The following ADGB variants were observed in gnomAD, a reference collection of about 807,000 sequenced individuals.
The protein encoded by ADGB is calpain-7-like protein.
ADGB carries 172 observed loss-of-function variants against 210.5 expected under a neutral mutation model. That is an observed-to-expected ratio of 0.82 (90% CI 0.72 to 0.93). The LOEUF (loss-of-function observed/expected upper bound fraction) is 0.93. Ranked by LOEUF, ADGB falls within the 40% of genes least tolerant of loss-of-function variation. The pLI, the probability that ADGB is intolerant of heterozygous loss-of-function variation, is 0.00. For synonymous variants in ADGB, 658 were observed against 662.7 expected (o/e 0.99, Z 0.11); for missense variants, 2,025 against 1,964.8 (o/e 1.03, Z -0.58).
intron 1 of ADGB, among the ~76,000 whole-genome samples, chr6:146,620,875 G>A (rs568144877): frequency 4.6e-5 from 7 of 152,030 alleles, no homozygotes; most frequent in African/African-American, 1.4e-4. Context: ...CTCTTATGTT[G>A]ATTCCTGAGC....
chr6:146,715,273 C>A, intron 13 of ADGB, 109 bp from the exon 14 acceptor site: 1 of 985,218 alleles, frequency 1.0e-6, no homozygotes, highest in Non-Finnish European at 1.5e-6. Flanking sequence ...TCCCAAAAAT[C>A]TATTTCTTCA....
At chr6:146,765,080 C>A (rs989236525) in intron 28 of ADGB, among the ~76,000 whole-genome samples, 2 of 151,796 alleles carry the variant, frequency 1.3e-5, no homozygotes, top group Non-Finnish European at 2.9e-5. Context: ...ATTACAGGTG[C>A]GAGCCACCGT....
rs1047884219 is a variant in ADGB, at chr6:146,731,615, C to G, written c.2521-1505C>G. ...AAAAAGTGTCCCAGCAAGTTTCAGA[C>G]TAAATTCTCCCTGCTCCCTCAATGT... On this transcript the variant is annotated intron_variant, in intron 20 of 35. Coordinates refer to ENST00000397944, the MANE Select transcript of ADGB (RefSeq NM_024694.4). Among the ~76,000 whole-genome samples, 44 of 152,154 alleles carry G rather than the reference C, an allele frequency of 2.9e-4. 1 individual carries two copies. The highest frequency in any genetic ancestry group is 3.5e-4 in the Non-Finnish European group (24 of 68,036).
chr6:146,706,093 T>TA (rs1272493759), intron 13 of ADGB, among the ~76,000 whole-genome samples: 8 of 114,692 alleles, frequency 7.0e-5, no homozygotes, highest in African/African-American at 2.5e-4. Context: ...CTTGGTTAAT[T>TA]TAAAAAAAAA....
intron 26 of ADGB, among the ~76,000 whole-genome samples, chr6:146,747,722 G>T (rs545013106): frequency 6.6e-6 from 1 of 150,892 alleles, no homozygotes; most frequent in Non-Finnish European, 1.5e-5. Context: ...AAATTATGTC[G>T]CATAGCATGA....
In ADGB at chr6:146,636,604, G is replaced by A. The variant is rs143399590; in HGVS notation, c.237+1067G>A. Among the ~76,000 whole-genome samples, 266 of 152,056 alleles carry A rather than the reference G, an allele frequency of 1.7e-3. 1 individual carries two copies. Among genetic ancestry groups the A allele is most frequent in the African/African-American group, 6.0e-3 (249 of 41,498 alleles). Reference sequence around the variant, plus strand: ...ACTTATGGAGAGAGAGAAAGAGAGAGAGTGTGAGTGTGTGGGTGTGGGTGG... The same window carrying A: ...ACTTATGGAGAGAGAGAAAGAGAGAAAGTGTGAGTGTGTGGGTGTGGGTGG... On this transcript the variant is annotated intron_variant, in intron 2 of 35. Transcript: ENST00000397944.
chr6:146,781,290 C>T (rs1338307137), intron 29 of ADGB, among the ~76,000 whole-genome samples: 1 of 150,722 alleles, frequency 6.6e-6, no homozygotes, highest in Non-Finnish European at 1.5e-5. Context: ...TTGCAGTGAG[C>T]CAAGATTGTG....
At position 146,793,235 on chromosome 6, in the gene ADGB, T is replaced by A. The variant is rs182708421; in HGVS notation, c.4537+4625T>A. On this transcript the variant is annotated intron_variant, in intron 33 of 35. Transcript: ENST00000397944. ...TTTTACAGAGCACTGATTGGTGCGT[T>A]TTACAGAGCACTGATTGTTGTGTTT... Among the ~76,000 whole-genome samples the A allele has an allele frequency of 2.7e-3, 406 of 152,224 alleles. 2 individuals carry two copies. The highest frequency in any genetic ancestry group is 9.4e-3 in the African/African-American group (389 of 41,496).
At chr6:146,656,041 A>T (rs1342747935) in intron 4 of ADGB, among the ~76,000 whole-genome samples, 1 of 152,140 alleles carries the variant, frequency 6.6e-6, no homozygotes, top group Non-Finnish European at 1.5e-5. Flanking sequence ...TCACAAAAAA[A>T]AATGTGAAAA....
rs560623665 is a variant in ADGB at position 146,797,650 on chromosome 6, T to G, written c.4538-3533T>G. Among the ~76,000 whole-genome samples, 43 of 152,084 alleles carry G rather than the reference T, an allele frequency of 2.8e-4. No individual in the cohort carries two copies. The South Asian group carries it at 8.9e-3, about 32-fold the overall frequency. On this transcript the variant is annotated intron_variant, in intron 33 of 35. Coordinates refer to ENST00000397944, the MANE Select transcript of ADGB (RefSeq NM_024694.4). ...ATGCAGTTGGAGACCACATTCAAAG[T>G]GAACTAACCCAGGAATGAAAAATGA...
intron 5 of ADGB, among the ~76,000 whole-genome samples, chr6:146,661,259 C>G (rs532249032): frequency 8.1e-6 from 1 of 123,190 alleles, no homozygotes; most frequent in African/African-American, 3.0e-5. Context: ...CTGACTCTGT[C>G]GCTCAGGCTG....
At chr6:146,753,427 T>C (rs538933822) in intron 27 of ADGB, among the ~76,000 whole-genome samples, 2 of 152,180 alleles carry the variant, frequency 1.3e-5, no homozygotes, top group South Asian at 4.1e-4. Flanking sequence ...TTTCTTAAAA[T>C]AATAACTTTA....
At chr6:146,785,114 A>G (rs1402480256) in intron 31 of ADGB, among the ~76,000 whole-genome samples, 10 of 152,150 alleles carry the variant, frequency 6.6e-5, no homozygotes, top group Non-Finnish European at 1.5e-5. Flanking sequence ...GTAAGAAAGC[A>G]TTCAAATGTT....
intron 33 of ADGB, among the ~76,000 whole-genome samples, chr6:146,799,803 G>A (rs138509478): frequency 1.3e-5 from 2 of 151,776 alleles, no homozygotes; most frequent in East Asian, 3.9e-4. Context: ...TGTTTCTTTT[G>A]TTGTTGTTGT....
chr6:146,621,125 T>C (rs955124506), intron 1 of ADGB, among the ~76,000 whole-genome samples: 12 of 152,136 alleles, frequency 7.9e-5, no homozygotes, highest in Admixed American at 3.9e-4. Context: ...CATAACTATA[T>C]TGCATCCCTG....
At chr6:146,746,131 G>T in intron 26 of ADGB, 22 bp downstream of exon 26, 1 of 1,428,128 alleles carries the variant, frequency 7.0e-7, no homozygotes, top group Non-Finnish European at 9.4e-7. Flanking sequence ...TGACAGAAGG[G>T]GAAAGGCATT....
Position 146,672,515 on chromosome 6 carries a change from A to G in ADGB, c.1087+48A>G, listed in dbSNP as rs140331026. 39 of 1,472,120 alleles carry G rather than the reference A, an allele frequency of 2.6e-5. No individual in the cohort carries two copies. The African/African-American group carries it at 5.0e-4, about 19-fold the overall frequency. 91.2% of individuals were successfully genotyped at this position (1,472,120 alleles called of 1,614,324 possible). On this transcript the variant is annotated intron_variant, in intron 8 of 35. Coordinates refer to ENST00000397944, the MANE Select transcript of ADGB (RefSeq NM_024694.4). The stretch of plus-strand genomic sequence containing the variant: ...GTGATTCAGTATGGACATTGCATAT[A>G]AATGCCTTACAATTTTATTTGATGT...
chr6:146,645,552 G>C (rs1775597282), intron 3 of ADGB, among the ~76,000 whole-genome samples: 1 of 151,956 alleles, frequency 6.6e-6, no homozygotes, highest in Non-Finnish European at 1.5e-5. Flanking sequence ...CTAATGCATA[G>C]GAAACCAGTG....
chr6:146,620,281 T>C (rs897006576), intron 1 of ADGB, among the ~76,000 whole-genome samples: 1 of 152,292 alleles, frequency 6.6e-6, no homozygotes, highest in Middle Eastern at 3.4e-3. Context: ...ATTGGTTATG[T>C]CTGAGCGTCC....
Sources: allele counts gnomAD v4.1 joint callset (sites outside exome capture counted in the v4.1 genomes callset), GRCh38; gene constraint gnomAD v4.1.1; transcripts MANE v1.5; gene names NCBI Gene and HGNC (gene_info 2026-07-23, HGNC 2026-07-21).